The following LINGO2 variants were observed in gnomAD, a reference collection of about 807,000 sequenced individuals.
The protein encoded by LINGO2 is leucine-rich repeat and immunoglobulin-like domain-containing nogo receptor-interacting protein 2.
A neutral mutation model predicts 30.6 loss-of-function variants in LINGO2; 14 were observed. The observed-to-expected ratio is 0.46, with a 90% CI of 0.30 to 0.72. The LOEUF (loss-of-function observed/expected upper bound fraction) is 0.72, where lower values mean the gene tolerates loss of function less well. LINGO2 is among the 30% of genes least tolerant of loss of function. LINGO2 has a pLI of 0.07. For missense variants in LINGO2, 729 were observed against 751.7 expected (o/e 0.97, Z 0.35); for synonymous variants, 317 against 288.5 (o/e 1.10, Z -1.00).
At chr9:29,076,298 T>G in the LINGO2 span, among the ~76,000 whole-genome samples, 1 of 152,058 alleles carries the variant, frequency 6.6e-6, no homozygotes, top group Admixed American at 6.6e-5. Context: ...TATCTATATA[T>G]ATTTGCATGG....
chr9:28,667,605 A>C (rs1015892016), intron 1 of LINGO2, among the ~76,000 whole-genome samples: 3 of 151,984 alleles, frequency 2.0e-5, no homozygotes, highest in Non-Finnish European at 4.4e-5. Context: ...TTAGCTGGGC[A>C]TGGTACTGCA....
the LINGO2 span, among the ~76,000 whole-genome samples, chr9:29,088,168 T>C: frequency 6.6e-6 from 1 of 152,152 alleles, no homozygotes; most frequent in Non-Finnish European, 1.5e-5. Context: ...GTTACTTTTA[T>C]TAATGTCATA....
intron 4 of LINGO2, among the ~76,000 whole-genome samples, chr9:28,189,717 A>AAGGG (rs1819745355): frequency 7.9e-6 from 1 of 126,968 alleles, no homozygotes; most frequent in Non-Finnish European, 1.6e-5. Context: ...GGAAGGAAGG[A>AAGGG]AGGAAGGTTG....
chr9:28,076,960 T>A lies in LINGO2; in HGVS notation c.-86-64555A>T, dbSNP rs111362886. On this transcript the variant is annotated intron_variant, in intron 4 of 5. Transcript: ENST00000379992. ...TGTTCTGGTTTCCAACAAAAGACAT[T>A]GGAAATTGTGCAGTAAGGTTGAAAA... Among the ~76,000 whole-genome samples, 851 of 152,254 alleles carry A rather than the reference T, an allele frequency of 5.6e-3. 9 individuals are homozygous for A. The highest frequency in any genetic ancestry group is 0.019 in the African/African-American group (805 of 41,554).
chr9:27,960,651 G>A (rs1427875410), intron 5 of LINGO2, among the ~76,000 whole-genome samples: 1 of 146,054 alleles, frequency 6.8e-6, no homozygotes, highest in Non-Finnish European at 1.5e-5. Context: ...ACATACATGT[G>A]GTTTTGCATT....
At chr9:28,302,883 T>C (rs1482515076) in intron 3 of LINGO2, among the ~76,000 whole-genome samples, 1 of 152,170 alleles carries the variant, frequency 6.6e-6, no homozygotes, top group South Asian at 2.1e-4. Flanking sequence ...CATTTTGCAA[T>C]TGAAAAGCAT....
the LINGO2 span, among the ~76,000 whole-genome samples, chr9:28,945,030 A>G: frequency 6.6e-6 from 1 of 152,126 alleles, no homozygotes; most frequent in Non-Finnish European, 1.5e-5. Flanking sequence ...TTGTTCCAAT[A>G]CATGCTTATA....
chr9:29,086,132 T>C, the LINGO2 span, among the ~76,000 whole-genome samples: 4 of 152,200 alleles, frequency 2.6e-5, no homozygotes, highest in Admixed American at 2.0e-4. Context: ...AACAATAAAG[T>C]AGACAAAAAG....
At chr9:28,170,503 G>A (rs1828552638) in intron 4 of LINGO2, among the ~76,000 whole-genome samples, 1 of 152,126 alleles carries the variant, frequency 6.6e-6, no homozygotes, top group South Asian at 2.1e-4. Context: ...GGTGGTGGCT[G>A]GCTGCAATGT....
chr9:29,093,130 T>C, the LINGO2 span, among the ~76,000 whole-genome samples: 4 of 131,158 alleles, frequency 3.0e-5, 1 homozygote, highest in African/African-American at 5.7e-5. Flanking sequence ...TCTTTGTTTA[T>C]AGTTTTTTAT....
At chr9:29,160,792 G>T in the LINGO2 span, among the ~76,000 whole-genome samples, 1 of 152,114 alleles carries the variant, frequency 6.6e-6, no homozygotes, top group African/African-American at 2.4e-5. Flanking sequence ...AAGGTATATG[G>T]GTGTGCTTTG....
At chr9:28,057,188 A>G (rs1824969036) in intron 4 of LINGO2, among the ~76,000 whole-genome samples, 1 of 152,130 alleles carries the variant, frequency 6.6e-6, no homozygotes, top group Non-Finnish European at 1.5e-5. Flanking sequence ...TGCTGGCTAC[A>G]CTATTTTTTT....
At chr9:28,181,142 G>C (rs2133711010) in intron 4 of LINGO2, among the ~76,000 whole-genome samples, 1 of 152,242 alleles carries the variant, frequency 6.6e-6, no homozygotes, top group Non-Finnish European at 1.5e-5. Flanking sequence ...GCAAGTACAG[G>C]AAGCCTGCTA....
chr9:28,029,965 G>A (rs1357706019), intron 4 of LINGO2, among the ~76,000 whole-genome samples: 4 of 152,182 alleles, frequency 2.6e-5, no homozygotes, highest in Non-Finnish European at 5.9e-5. Context: ...TTCAAGTGAA[G>A]AGCGTAAGAA....
At chr9:27,986,954 G>T (rs556711515) in intron 5 of LINGO2, among the ~76,000 whole-genome samples, 1 of 151,932 alleles carries the variant, frequency 6.6e-6, no homozygotes, top group African/African-American at 2.4e-5. Flanking sequence ...AGCAAGACCT[G>T]CTCCTTGGGC....
chr9:29,119,499 A>G, the LINGO2 span, among the ~76,000 whole-genome samples: 3 of 151,898 alleles, frequency 2.0e-5, no homozygotes, highest in African/African-American at 7.2e-5. Context: ...ATACTAATGC[A>G]TATGCAACAT....
chr9:28,221,410 A>G (rs1281302614), intron 4 of LINGO2, among the ~76,000 whole-genome samples: 1 of 152,010 alleles, frequency 6.6e-6, no homozygotes, highest in African/African-American at 2.4e-5. Context: ...TTTAATTATT[A>G]CACATGTATG....
At chr9:28,043,668 C>A (rs1563938476) in intron 4 of LINGO2, among the ~76,000 whole-genome samples, 1 of 152,138 alleles carries the variant, frequency 6.6e-6, no homozygotes, top group South Asian at 2.1e-4. Flanking sequence ...CCAGTTTCAA[C>A]AATGATCAAA....
At chr9:28,989,586 G>C in the LINGO2 span, among the ~76,000 whole-genome samples, 1 of 152,180 alleles carries the variant, frequency 6.6e-6, no homozygotes, top group Admixed American at 6.5e-5. Context: ...TTAGGAGCCT[G>C]TGTTACAGAC....
Sources: allele counts gnomAD v4.1 joint callset (sites outside exome capture counted in the v4.1 genomes callset), GRCh38; gene constraint gnomAD v4.1.1; transcripts MANE v1.5; gene names NCBI Gene and HGNC (gene_info 2026-07-23, HGNC 2026-07-21).